Variants in ZFYVE16 observed in about 807,000 individuals in gnomAD.
ZFYVE16 encodes zinc finger FYVE-type containing 16.
In ZFYVE16, 89 loss-of-function variants were observed where a neutral mutation model predicts 138.1. The observed-to-expected ratio is 0.64, with a 90% CI of 0.54 to 0.77. The LOEUF (loss-of-function observed/expected upper bound fraction) is 0.77, where lower values mean the gene tolerates loss of function less well. Ranked by LOEUF, ZFYVE16 falls within the 30% of genes least tolerant of loss-of-function variation. The pLI is 0.00. For synonymous variants in ZFYVE16, 596 were observed against 618.3 expected, an observed-to-expected ratio of 0.96 and a Z score of 0.53; for missense variants, 1,793 against 1,786.7, an observed-to-expected ratio of 1.00 and a Z score of -0.06.
chr5:80,455,712 A>T lies in ZFYVE16; in HGVS notation c.3628A>T (p.Ser1210Cys), dbSNP rs199826897. ...EYKAYPAPLT[S>C]IRGRKPLFGE... ...TATAGCATATCCTGCTCCTCTAACA[A>T]GCATCAGAGGCCGAAAACCTCTTTT... The change falls in exon 12 of 19, where the codon AGC becomes TGC. Residue 1210 changes from serine to cysteine, a missense_variant. By Grantham distance (112) the Ser-to-Cys change is moderately radical. This residue lies in a region of ZFYVE16 where 498 missense variants were observed against 582.4 expected (regional missense o/e 0.86). Coordinates refer to ENST00000505560, the MANE Select transcript of ZFYVE16 (RefSeq NM_001284236.3). 4.4e-6 allele frequency: 7 copies of T among 1,600,038 alleles called. No homozygotes were observed. In the East Asian group the frequency reaches 1.6e-4, roughly 36 times the overall value.
chr5:80,425,727 T>G (rs115491339), intron 1 of ZFYVE16, among the ~76,000 whole-genome samples: 3,812 of 152,222 alleles, frequency 0.025, 159 homozygotes, highest in Admixed American at 0.12. Context: ...TTAGTTTGAT[T>G]AGATTCAGAT....
rs1360613070 is a variant in ZFYVE16 at position 80,483,040 on chromosome 5, TTA to T, written c.*5665_*5666del. The T allele has an allele frequency of 2.0e-5, 3 of 152,234 alleles. No individual in the cohort carries two copies. In the East Asian group the frequency reaches 5.8e-4, roughly 29 times the overall value. 9.4% of individuals were successfully genotyped at this position (152,234 alleles called of 1,614,324 possible). A position where few individuals can be genotyped will look rare whatever the true frequency, so the allele number is the denominator to read the frequency against. ...GTGGTACCACGCCCAGCTAATTTTT[TTA>T]TGTTTGTAGTAGAGACGAGTTTCAC... On this transcript the variant is annotated 3_prime_UTR_variant, in exon 19 of 19. Transcript: ENST00000505560.
At chr5:80,426,272 G>GTGTATA (rs1370196862) in intron 1 of ZFYVE16, among the ~76,000 whole-genome samples, 11 of 26,464 alleles carry the variant, frequency 4.2e-4, no homozygotes, top group African/African-American at 6.5e-4. Context: ...GTGTGTGTGT[G>GTGTATA]TATATATATA....
At position 80,474,683 on chromosome 5, in the gene ZFYVE16, C is replaced by G. The variant is rs766015845; in HGVS notation, c.4314C>G (p.Asp1438Glu). 6.2e-7 allele frequency: 1 copy of G among 1,612,680 alleles called. No individual in the cohort carries two copies. The highest frequency in any genetic ancestry group is 8.5e-7 in the Non-Finnish European group (1 of 1,179,240). Residue 1438 changes from aspartate to glutamate, a missense_variant, in exon 18 of 19, where the codon GAC becomes GAG. Asp to Glu is a conservative substitution (Grantham distance 45). Around this residue, in one of 2 missense-constraint regions of ZFYVE16, gnomAD observed 498 missense variants for 582.4 expected, o/e 0.86. Coordinates refer to ENST00000505560, the MANE Select transcript of ZFYVE16 (RefSeq NM_001284236.3). ...KCTEVFYFLK[D>E]QDLSILSTSY... ...TTCAGGTGTTCTACTTTCTAAAGGA[C>G]CAGGATTTATCTATTTTATCAACTT...
At chr5:80,443,772 C>G in intron 6 of ZFYVE16, 1 of 456,232 alleles carries the variant, frequency 2.2e-6, no homozygotes, top group South Asian at 1.5e-5. Context: ...TTATTTCTTC[C>G]CACCTTATGG....
At position 80,437,904 on chromosome 5, in the gene ZFYVE16, A is replaced by G. The variant is rs1026556673; in HGVS notation, c.1219A>G (p.Ile407Val). 1 of 1,614,076 alleles carries G rather than the reference A, an allele frequency of 6.2e-7. No individual in the cohort carries two copies. The highest frequency in any genetic ancestry group is 1.3e-5 in the African/African-American group (1 of 75,040). ...ACCTCAGCATGAACATAAAGATAAT[A>G]TACAAGATGCAGTGACTATACATGA... ...FLPQHEHKDN[I>V]QDAVTIHEEI... Residue 407 changes from isoleucine (I) to valine (V), a missense_variant, in exon 4 of 19, where the codon ATA becomes GTA. Physicochemically the swap from Ile to Val is conservative, Grantham distance 29 (BLOSUM62 3). This residue lies in a region of ZFYVE16 where 1,295 missense variants were observed against 1,204.3 expected (regional missense o/e 1.08). Coordinates refer to ENST00000505560, the MANE Select transcript of ZFYVE16 (RefSeq NM_001284236.3).
chr5:80,426,453 C>T lies in ZFYVE16; in HGVS notation c.-93-1039C>T, dbSNP rs1172036780. Among the ~76,000 whole-genome samples the T allele has an allele frequency of 2.0e-5, 3 of 151,884 alleles. No homozygotes were observed. The East Asian group carries it at 5.8e-4, about 30-fold the overall frequency. ...GATGCTCTCCCCTCACCACCACCCC[C>T]CCACCCCAGCAGGCCCCAGTGTGTC... On this transcript the variant is annotated intron_variant, in intron 1 of 18. Transcript: ENST00000505560.
intron 15 of ZFYVE16, among the ~76,000 whole-genome samples, chr5:80,464,690 T>C (rs1753492628): frequency 6.6e-6 from 1 of 152,212 alleles, no homozygotes; most frequent in Non-Finnish European, 1.5e-5. Flanking sequence ...TCTTCTTTTT[T>C]CTTGGTTACT....
In ZFYVE16 at chr5:80,448,077, A is replaced by G; in HGVS notation, c.2776A>G (p.Asn926Asp). The G allele has an allele frequency of 6.2e-7, 1 of 1,613,664 alleles. No homozygotes were observed. Among genetic ancestry groups the G allele is most frequent in the Admixed American group, 1.7e-5 (1 of 59,996 alleles). ...SHSTTVEKPN[N>D]ETGDITRNEI... is the part of the protein sequence containing the mutation. ...TTCTACTACAGTGGAAAAGCCAAAC[A>G]ATGAGACAGGAGATATTACAAGAAA... is the stretch of plus-strand genomic sequence containing the variant. Residue 926 changes from asparagine (N) to aspartate (D), a missense_variant, in exon 8 of 19, where the codon AAT (asparagine) becomes GAT (aspartate). By Grantham distance (23) the Asn-to-Asp change is conservative. Around this residue, in one of 2 missense-constraint regions of ZFYVE16, gnomAD observed 1,295 missense variants for 1,204.3 expected, o/e 1.08. Transcript: ENST00000505560.
At chr5:80,450,856 G>A (rs942245907) in intron 10 of ZFYVE16, among the ~76,000 whole-genome samples, 5 of 135,974 alleles carry the variant, frequency 3.7e-5, no homozygotes, top group South Asian at 2.3e-4. Context: ...TCTCCACCCC[G>A]GCTGGAGTGC....
chr5:80,477,069 C>A, intron 18 of ZFYVE16, 150 bp from the exon 19 acceptor site: 1 of 611,498 alleles, frequency 1.6e-6, no homozygotes, highest in Non-Finnish European at 2.6e-6. Context: ...ATAAAAGATA[C>A]AGGAGAATGT....
chr5:80,421,553 T>C (rs1747178146), intron 1 of ZFYVE16, among the ~76,000 whole-genome samples: 1 of 152,248 alleles, frequency 6.6e-6, no homozygotes, highest in Admixed American at 6.5e-5. Flanking sequence ...AAATAGGGAA[T>C]CCTTTCCCCA....
chr5:80,411,039 T>C (rs755126592), intron 1 of ZFYVE16, among the ~76,000 whole-genome samples: 1 of 151,780 alleles, frequency 6.6e-6, no homozygotes, highest in Admixed American at 6.6e-5. Flanking sequence ...CCATCTCGGC[T>C]CACTGCAACC....
At position 80,422,834 on chromosome 5, in the gene ZFYVE16, A is replaced by G. The variant is rs1580125392; in HGVS notation, c.-93-4658A>G. 6.6e-5 allele frequency among the ~76,000 whole-genome samples: 10 copies of G among 152,294 alleles called. No homozygotes were observed. The South Asian group carries it at 1.9e-3, about 28-fold the overall frequency. ...GTTAATATGGTAGATTATATTGATT[A>G]ATTTTGAAATGTTGAACCAGCCTTG... On this transcript the variant is annotated intron_variant, in intron 1 of 18. Transcript: ENST00000505560.
chr5:80,460,058 A>G (rs1752944996), intron 15 of ZFYVE16, among the ~76,000 whole-genome samples: 2 of 152,166 alleles, frequency 1.3e-5, no homozygotes, highest in African/African-American at 4.8e-5. Context: ...TCACTTTACA[A>G]AGTATTGCTA....
chr5:80,408,446 T>C lies in ZFYVE16; in HGVS notation c.-94+293T>C, dbSNP rs188573197. ...GTTCCCCGCTCCCGGGCCGCCGGAGTGTTCGGCGCTCCTGGGGGAGAGACC... is the reference window on the plus strand; with the variant it reads ...GTTCCCCGCTCCCGGGCCGCCGGAGCGTTCGGCGCTCCTGGGGGAGAGACC... On this transcript the variant is annotated intron_variant, in intron 1 of 18. Coordinates refer to ENST00000505560, the MANE Select transcript of ZFYVE16 (RefSeq NM_001284236.3). 6.7e-3 allele frequency among the ~76,000 whole-genome samples: 1,020 copies of C among 152,190 alleles called. 7 individuals carry two copies. Among genetic ancestry groups the C allele is most frequent in the African/African-American group, 0.022 (919 of 41,534 alleles).
rs761862211 is a variant in ZFYVE16, at chr5:80,474,773, T to G, written c.4404T>G (p.Thr1468=). 2.5e-6 allele frequency: 4 copies of G among 1,613,802 alleles called. No individual in the cohort carries two copies. Among genetic ancestry groups the G allele is most frequent in the Non-Finnish European group, 3.4e-6 (4 of 1,179,808 alleles). The change falls in exon 18 of 19, where the codon ACT becomes ACG. Residue 1468 remains threonine, a synonymous_variant. Transcript: ENST00000505560. ...CSAALCPHLK[T]LKSNGMNKIG... ...CTGCGCTGTGCCCTCACCTGAAAAC[T>G]CTAAAAAGTAATGGGATGAATAAAA... is the stretch of plus-strand genomic sequence containing the variant.
chr5:80,436,787 T>C lies in ZFYVE16; in HGVS notation c.102T>C (p.Asn34=). The part of the protein sequence containing the change: ...DEQDYLQDVQ[N]AYDSNHCSVS... The stretch of plus-strand genomic sequence containing the variant: ...AAGATTATCTCCAAGATGTACAAAA[T>C]GCATATGATTCTAACCACTGCTCAG... The change falls in exon 4 of 19, where the codon AAT becomes AAC. Residue 34 remains asparagine (N), a synonymous_variant. Transcript: ENST00000505560. 1 of 1,613,730 alleles carries C rather than the reference T, an allele frequency of 6.2e-7. No homozygotes were observed. The highest frequency in any genetic ancestry group is 8.5e-7 in the Non-Finnish European group (1 of 1,179,836).
At chr5:80,453,407 A>C (rs2112463612) in intron 11 of ZFYVE16, among the ~76,000 whole-genome samples, 1 of 152,308 alleles carries the variant, frequency 6.6e-6, no homozygotes, top group African/African-American at 2.4e-5. Flanking sequence ...TAGCTAATCA[A>C]ATTATTATGG....
Sources: allele counts gnomAD v4.1 joint callset (sites outside exome capture counted in the v4.1 genomes callset), GRCh38; gene constraint gnomAD v4.1.1; regional missense constraint gnomAD v4.1.1; transcripts MANE v1.5; gene names NCBI Gene and HGNC (gene_info 2026-07-23, HGNC 2026-07-21).